The following C11orf65 variants were observed in gnomAD, a reference collection of about 807,000 sequenced individuals.
The protein encoded by C11orf65 is protein MFI.
In C11orf65, 38 loss-of-function variants were observed where a neutral mutation model predicts 35.3. That is an observed-to-expected ratio of 1.08 (90% CI 0.83 to 1.41). The LOEUF (loss-of-function observed/expected upper bound fraction) is 1.41, where lower values mean the gene tolerates loss of function less well. Among genes scored for constraint, C11orf65 ranks in the 40% most tolerant of loss-of-function variants. C11orf65 has a pLI of 0.00. For missense variants in C11orf65, 370 were observed against 367.1 expected (o/e 1.01, Z -0.06); for synonymous variants, 105 against 114.4 (o/e 0.92, Z 0.53).
At chr11:108,322,202 T>A (rs1235648847) in intron 6 of C11orf65, among the ~76,000 whole-genome samples, 1 of 152,216 alleles carries the variant, frequency 6.6e-6, no homozygotes, top group African/African-American at 2.4e-5. Context: ...TTGCCCAGGC[T>A]GGAGTGTCAT....
At chr11:108,366,787 A>C (rs1163241353) in intron 2 of C11orf65, 1 of 230,364 alleles carries the variant, frequency 4.3e-6, no homozygotes, top group Non-Finnish European at 8.6e-6. Flanking sequence ...TTTCACTGAG[A>C]GTATAAGCTT....
intron 8 of C11orf65, among the ~76,000 whole-genome samples, chr11:108,385,536 G>A (rs2091971576): frequency 6.6e-6 from 1 of 152,110 alleles, no homozygotes; most frequent in Non-Finnish European, 1.5e-5. Flanking sequence ...CAAAAAATTA[G>A]CGGGGTGTGG....
intron 6 of C11orf65, 130 bp downstream of exon 6, chr11:108,405,299 C>T (rs1303908584): frequency 4.7e-6 from 4 of 845,186 alleles, no homozygotes; most frequent in South Asian, 3.6e-5. Flanking sequence ...ATTCATCTGT[C>T]GTTTGGGTCA....
chr11:108,462,770 A>G (rs2093487403), intron 1 of C11orf65: 1 of 152,218 alleles, frequency 6.6e-6, no homozygotes, highest in Non-Finnish European at 1.5e-5. Flanking sequence ...TTACAGTAGC[A>G]ATATGGTTCT....
In C11orf65 at chr11:108,319,935, T is replaced by C; in HGVS notation, c.641-10864A>G. On this transcript the variant is annotated intron_variant, in intron 6 of 6. Coordinates refer to the C11orf65 transcript ENST00000525729. The stretch of plus-strand genomic sequence containing the variant: ...GGTTCTGTTTTTAAGTATATTTTTT[T>C]CTTTGACTTATCTCACAGCAAAGAA... 6.4e-7 allele frequency: 1 copy of C among 1,554,602 alleles called. No individual in the cohort carries two copies. The highest frequency in any genetic ancestry group is 8.9e-7 in the Non-Finnish European group (1 of 1,126,220).
chr11:108,460,581 T>C (rs1482928495), intron 2 of C11orf65, among the ~76,000 whole-genome samples: 1 of 152,186 alleles, frequency 6.6e-6, no homozygotes, highest in Admixed American at 6.5e-5. Flanking sequence ...AAATAAAGTG[T>C]TGAGAGGTGA....
chr11:108,394,788 A>G (rs2092264684), intron 6 of C11orf65, among the ~76,000 whole-genome samples: 1 of 152,196 alleles, frequency 6.6e-6, no homozygotes, highest in South Asian at 2.1e-4. Flanking sequence ...GTGTTACATA[A>G]TCTGCTAAAT....
chr11:108,433,282 T>C (rs935877219), intron 2 of C11orf65, among the ~76,000 whole-genome samples: 13 of 149,028 alleles, frequency 8.7e-5, no homozygotes. Context: ...TAGATATATA[T>C]AGATATATAT....
At chr11:108,316,163 G>A in intron 6 of C11orf65, 1 of 1,487,136 alleles carries the variant, frequency 6.7e-7, no homozygotes, top group Non-Finnish European at 9.4e-7. Flanking sequence ...TAGTGCTGAG[G>A]TTATTTCAGT....
chr11:108,456,417 C>T (rs1196682433), intron 2 of C11orf65, among the ~76,000 whole-genome samples: 1 of 152,062 alleles, frequency 6.6e-6, no homozygotes, highest in Non-Finnish European at 1.5e-5. Flanking sequence ...CTAGAACAAA[C>T]ATAAGGAAAA....
At chr11:108,369,016 A>G (rs1035067652) in intron 2 of C11orf65, 1 of 180,408 alleles carries the variant, frequency 5.5e-6, no homozygotes, top group South Asian at 2.0e-4. Context: ...TCTATTTTCT[A>G]TAGATTTTAG....
chr11:108,316,856 G>C (rs1272843200), intron 6 of C11orf65, among the ~76,000 whole-genome samples: 1 of 151,792 alleles, frequency 6.6e-6, no homozygotes, highest in Non-Finnish European at 1.5e-5. Flanking sequence ...AACCTGGGAG[G>C]CAGAGGTTGC....
At chr11:108,435,202 T>C (rs2093044470) in intron 2 of C11orf65, among the ~76,000 whole-genome samples, 1 of 152,194 alleles carries the variant, frequency 6.6e-6, no homozygotes, top group South Asian at 2.1e-4. Context: ...CTTTGTGCTC[T>C]GCAGATATAA....
At chr11:108,468,830 G>A (rs566623734), upstream of C11orf65, among the ~76,000 whole-genome samples, 1 of 152,226 alleles carries the variant, frequency 6.6e-6, no homozygotes, top group East Asian at 1.9e-4. Context: ...CAGGCCAGGT[G>A]TGGTGGCTCA....
At chr11:108,315,438 G>A (rs1007322439) in intron 6 of C11orf65, among the ~76,000 whole-genome samples, 4 of 152,110 alleles carry the variant, frequency 2.6e-5, no homozygotes, top group Non-Finnish European at 5.9e-5. Flanking sequence ...ATGATGAAAT[G>A]TATCATATCA....
chr11:108,435,176 C>G (rs1424546167), intron 2 of C11orf65, among the ~76,000 whole-genome samples: 1 of 152,134 alleles, frequency 6.6e-6, no homozygotes, highest in Admixed American at 6.5e-5. Flanking sequence ...ATTTTGCTTC[C>G]TGTCCTTCTT....
intron 3 of C11orf65, among the ~76,000 whole-genome samples, chr11:108,428,488 A>G (rs1000914805): frequency 1.3e-5 from 2 of 152,246 alleles, no homozygotes; most frequent in Non-Finnish European, 2.9e-5. Flanking sequence ...GCCATAAAAA[A>G]GGATGTGTTC....
intron 2 of C11orf65, among the ~76,000 whole-genome samples, chr11:108,376,346 T>C (rs1297486442): frequency 2.6e-5 from 4 of 152,076 alleles, no homozygotes; most frequent in African/African-American, 9.7e-5. Context: ...ACCGCTCAAC[T>C]ACATGGAAAC....
Position 108,414,965 on chromosome 11 carries a change from T to G in C11orf65, c.175-7816A>C, listed in dbSNP as rs974096552. ...ATATTAGCAGATGTAGAAAAAGCAT[T>G]TGACAAAATCCAACACCCATTCATG... On this transcript the variant is annotated intron_variant, in intron 3 of 8. Coordinates refer to ENST00000393084, the MANE Select transcript of C11orf65 (RefSeq NM_152587.5). 2.0e-5 allele frequency among the ~76,000 whole-genome samples: 3 copies of G among 152,112 alleles called. No homozygotes were observed. The East Asian group carries it at 5.8e-4, about 29-fold the overall frequency.
Sources: allele counts gnomAD v4.1 joint callset (sites outside exome capture counted in the v4.1 genomes callset), GRCh38; gene constraint gnomAD v4.1.1; transcripts MANE v1.5; gene names NCBI Gene and HGNC (gene_info 2026-07-23, HGNC 2026-07-21).